The following TTLL7 variants were observed in gnomAD, a reference collection of about 807,000 sequenced individuals.
TTLL7 encodes tubulin tyrosine ligase like 7, also known as tubulin polyglutamylase TTLL7.
In TTLL7, 53 loss-of-function variants were observed where a neutral mutation model predicts 120.2. That is an observed-to-expected ratio of 0.44 (90% CI 0.35 to 0.55). The LOEUF is 0.55. TTLL7 is among the 20% of genes least tolerant of loss of function. The probability of loss-of-function intolerance (pLI) is 0.00; values close to 1 mark genes in which losing one functional copy is unlikely to be tolerated. For missense variants in TTLL7, 803 were observed against 1,054.7 expected (o/e 0.76, Z 3.31); for synonymous variants, 353 against 351.7 (o/e 1.00, Z -0.04).
In TTLL7 at chr1:83,915,134, C is replaced by T. The variant is rs141998918; in HGVS notation, c.1587+2470G>A. ...TGAAATAGGAAGGAGCCTCAAACAA[C>T]AAGTCAATGACTTTTTTTTTTAGTA... On this transcript the variant is annotated intron_variant, in intron 14 of 20. Coordinates refer to ENST00000260505, the MANE Select transcript of TTLL7 (RefSeq NM_024686.6). Among the ~76,000 whole-genome samples the T allele has an allele frequency of 3.6e-3, 541 of 152,052 alleles. 3 individuals are homozygous for T. Among genetic ancestry groups the T allele is most frequent in the African/African-American group, 0.013 (527 of 41,466 alleles).
chr1:83,933,471 C>A, intron 9 of TTLL7, 137 bp downstream of exon 9: 1 of 874,732 alleles, frequency 1.1e-6, no homozygotes, highest in Non-Finnish European at 1.7e-6. Context: ...TTTTTATCCT[C>A]TTCTTCCCAC....
At chr1:83,992,791 C>CTTTTTTTTTTTTT (rs367737528) in intron 1 of TTLL7, among the ~76,000 whole-genome samples, 1 of 101,546 alleles carries the variant, frequency 9.8e-6, no homozygotes, top group Non-Finnish European at 1.9e-5. Flanking sequence ...TATTCAAGTT[C>CTTTTTTTTTTTTT]TTTTTTTTTT....
At chr1:83,906,292 C>T (rs1331639514) in intron 17 of TTLL7, 37 bp downstream of exon 17, 1 of 1,537,752 alleles carries the variant, frequency 6.5e-7, no homozygotes, top group East Asian at 2.3e-5. Context: ...TAAAAAGGTA[C>T]CAGCTCCTTG....
Position 83,897,016 on chromosome 1 carries a change from G to C in TTLL7, c.2209-6535C>G, listed in dbSNP as rs1242320757. ...GATTAACTATTTCCATTTTCACCTGGTGAGGGTTCTTTTCAGGATTTAATT... is the reference window on the plus strand; with the variant it reads ...GATTAACTATTTCCATTTTCACCTGCTGAGGGTTCTTTTCAGGATTTAATT... On this transcript the variant is annotated intron_variant, in intron 18 of 20. Transcript: ENST00000260505. Among the ~76,000 whole-genome samples, 9 of 152,112 alleles carry C rather than the reference G, an allele frequency of 5.9e-5. No individual in the cohort carries two copies. The South Asian group carries it at 1.9e-3, about 32-fold the overall frequency.
At chr1:83,902,991 T>C (rs1656853544) in intron 18 of TTLL7, among the ~76,000 whole-genome samples, 3 of 151,974 alleles carry the variant, frequency 2.0e-5, no homozygotes, top group Admixed American at 6.6e-5. Context: ...CTGGTCCCTA[T>C]TTCTATTCTG....
At chr1:83,916,034 CT>C (rs1466058886) in intron 14 of TTLL7, among the ~76,000 whole-genome samples, 1 of 152,240 alleles carries the variant, frequency 6.6e-6, no homozygotes, top group Admixed American at 6.5e-5. Context: ...CACTTTTACA[CT>C]GTTGGTGGGA....
chr1:83,887,981 G>C (rs1193519856), intron 19 of TTLL7, among the ~76,000 whole-genome samples: 1 of 151,960 alleles, frequency 6.6e-6, no homozygotes, highest in Non-Finnish European at 1.5e-5. Flanking sequence ...GATACCACCA[G>C]AGAAACTGGC....
intron 1 of TTLL7, among the ~76,000 whole-genome samples, chr1:83,970,591 TCCA>T (rs1250097632): frequency 6.6e-6 from 1 of 152,072 alleles, no homozygotes; most frequent in Non-Finnish European, 1.5e-5. Flanking sequence ...AAGTAGAAAG[TCCA>T]AGAAGTACTT....
At chr1:83,887,844 G>A (rs1205010658) in intron 19 of TTLL7, among the ~76,000 whole-genome samples, 1 of 151,876 alleles carries the variant, frequency 6.6e-6, no homozygotes, top group Non-Finnish European at 1.5e-5. Context: ...TGTAAATGAC[G>A]GTAATAATTT....
intron 10 of TTLL7, among the ~76,000 whole-genome samples, chr1:83,925,427 A>G (rs1440956738): frequency 6.6e-6 from 1 of 152,186 alleles, no homozygotes; most frequent in Non-Finnish European, 1.5e-5. Flanking sequence ...GTGGACTCGG[A>G]ATAAATGGTT....
Position 83,945,716 on chromosome 1 carries a change from A to T in TTLL7, c.506+1408T>A, listed in dbSNP as rs78620099. On this transcript the variant is annotated intron_variant, in intron 6 of 20. Transcript: ENST00000260505. Reference sequence around the variant, plus strand: ...TATATTGCCATCAAAATAAATTAAAAGATTATGTATGTTTTAATATCAAAT... The same window carrying T: ...TATATTGCCATCAAAATAAATTAAATGATTATGTATGTTTTAATATCAAAT... 6.3e-3 allele frequency among the ~76,000 whole-genome samples: 964 copies of T among 152,144 alleles called. 14 individuals carry two copies. The highest frequency in any genetic ancestry group is 0.022 in the African/African-American group (915 of 41,548).
chr1:83,945,614 G>A (rs1017362922), intron 6 of TTLL7, among the ~76,000 whole-genome samples: 1 of 152,070 alleles, frequency 6.6e-6, no homozygotes, highest in Admixed American at 6.6e-5. Context: ...CTTTACGTAG[G>A]TACTACTGCA....
chr1:83,880,337 C>T (rs1654332932), intron 20 of TTLL7: 1 of 151,908 alleles, frequency 6.6e-6, no homozygotes, highest in South Asian at 2.1e-4. Flanking sequence ...TCTTGCAATG[C>T]AATGACATAA....
At chr1:83,911,039 TG>T in intron 15 of TTLL7, 125 bp downstream of exon 15, 1 of 724,914 alleles carries the variant, frequency 1.4e-6, no homozygotes, top group Non-Finnish European at 2.3e-6. Context: ...GGGAAGGAAG[TG>T]GGATGGAATC....
rs1214017517 is a variant in TTLL7 at position 83,921,171 on chromosome 1, GA to G, written c.1291-12del. 1 of 1,610,048 alleles carries G rather than the reference GA, an allele frequency of 6.2e-7. No individual in the cohort carries two copies. The highest frequency in any genetic ancestry group is 1.7e-5 in the Admixed American group (1 of 59,072). On this transcript the variant is annotated splice_polypyrimidine_tract_variant and intron_variant, in intron 11 of 20. Transcript: ENST00000260505. ...AGCGAGTCTCTCTTTCTGGAAATGA[GA>G]AAAATTTTACAAATAAAATCCAACA...
chr1:83,878,342 T>C (rs1235559166), intron 20 of TTLL7, among the ~76,000 whole-genome samples: 1 of 151,778 alleles, frequency 6.6e-6, no homozygotes, highest in Non-Finnish European at 1.5e-5. Flanking sequence ...TTTATATCTT[T>C]ACTGAGTTTT....
chr1:83,950,592 T>C (rs1178905637), intron 3 of TTLL7, among the ~76,000 whole-genome samples: 1 of 152,214 alleles, frequency 6.6e-6, no homozygotes, highest in Non-Finnish European at 1.5e-5. Context: ...GTACAAACTA[T>C]TCATGTGTTC....
chr1:83,916,775 T>C (rs1658225458), intron 14 of TTLL7, among the ~76,000 whole-genome samples: 1 of 152,082 alleles, frequency 6.6e-6, no homozygotes, highest in Admixed American at 6.6e-5. Flanking sequence ...CCTACTCTAC[T>C]AGCAAGAACT....
intron 1 of TTLL7, among the ~76,000 whole-genome samples, chr1:83,997,537 G>A (rs959691037): frequency 3.9e-5 from 6 of 152,094 alleles, no homozygotes; most frequent in Non-Finnish European, 8.8e-5. Flanking sequence ...AAGAGTCAAG[G>A]CTTGTCCAAA....
Sources: gnomAD v4.1 joint callset for allele counts (sites outside exome capture counted in the v4.1 genomes callset) on GRCh38, gnomAD v4.1.1 for gene constraint, MANE v1.5 for transcripts, NCBI Gene and HGNC (gene_info 2026-07-23, HGNC 2026-07-21) for gene names.